The following LAMB3 variants were observed in gnomAD, a reference collection of about 807,000 sequenced individuals.
LAMB3 encodes laminin subunit beta 3.
LAMB3 carries 104 observed loss-of-function variants against 140.3 expected under a neutral mutation model. The ratio of observed to expected loss-of-function variants is 0.74; its 90% CI spans 0.63 to 0.87. LAMB3 has a LOEUF of 0.87. Among genes scored for constraint, LAMB3 ranks in the 40% least tolerant of loss-of-function variants. The probability of loss-of-function intolerance (pLI) is 0.00; values close to 1 mark genes in which losing one functional copy is unlikely to be tolerated. For missense variants in LAMB3, 1,531 were observed against 1,575.2 expected, an observed-to-expected ratio of 0.97 and a Z score of 0.47; for synonymous variants, 592 against 602.9, an observed-to-expected ratio of 0.98 and a Z score of 0.26.
At chr1:209,634,669 A>G (rs766456092) in intron 5 of LAMB3, 31 bp from the exon 6 acceptor site, 11 of 1,577,028 alleles carry the variant, frequency 7.0e-6, no homozygotes, top group East Asian at 2.3e-5. Context: ...TGCAGAGGGG[A>G]GGCACTGGGG....
chr1:209,631,499 G>T (rs1193516854), intron 8 of LAMB3, among the ~76,000 whole-genome samples: 1 of 152,172 alleles, frequency 6.6e-6, no homozygotes, highest in Non-Finnish European at 1.5e-5. Flanking sequence ...TAATTCCATA[G>T]ATCTCAACAC....
At chr1:209,627,971 G>C (rs1055684654) in intron 11 of LAMB3, 64 bp downstream of exon 11, 21 of 1,532,652 alleles carry the variant, frequency 1.4e-5, no homozygotes, top group Non-Finnish European at 1.6e-5. Context: ...AGCAGGGCAA[G>C]CCGTGGGTCT....
rs1666073723 is a variant in LAMB3 at position 209,618,546 on chromosome 1, C to T, written c.2815G>A (p.Ala939Thr). ...LQKMNEIQAI[A>T]ARLPNVDLVL... ...AAGTCCACGTTGGGGAGCCTGGCTG[C>T]AATGGCCTGGATCTCATTCATCTTC... is the stretch of plus-strand genomic sequence containing the variant. Residue 939 changes from alanine (A) to threonine (T), a missense_variant, in exon 19 of 23, where the codon GCA (alanine) becomes ACA (threonine). Coordinates refer to ENST00000356082, the MANE Select transcript of LAMB3 (RefSeq NM_000228.3). The T allele has an allele frequency of 6.2e-7, 1 of 1,614,256 alleles. No individual in the cohort carries two copies. Among genetic ancestry groups the T allele is most frequent in the South Asian group, 1.1e-5 (1 of 91,086 alleles).
chr1:209,633,696 A>G (rs1460475375), intron 6 of LAMB3, among the ~76,000 whole-genome samples: 1 of 152,238 alleles, frequency 6.6e-6, no homozygotes, highest in African/African-American at 2.4e-5. Flanking sequence ...GGGTATAACC[A>G]AGGAGGAACT....
chr1:209,624,941 A>AAC (rs1470849386), intron 14 of LAMB3, among the ~76,000 whole-genome samples: 5 of 145,852 alleles, frequency 3.4e-5, no homozygotes, highest in African/African-American at 1.3e-4. Flanking sequence ...GAAGGAAAAA[A>AAC]AGGGAAGGAA....
intron 3 of LAMB3, among the ~76,000 whole-genome samples, chr1:209,648,534 A>G (rs2076537083): frequency 6.6e-6 from 1 of 152,240 alleles, no homozygotes; most frequent in South Asian, 2.1e-4. Flanking sequence ...CTGTTTTATA[A>G]GCACCCTGTT....
At chr1:209,629,092 C>G (rs917960607) in intron 10 of LAMB3, among the ~76,000 whole-genome samples, 2 of 152,166 alleles carry the variant, frequency 1.3e-5, no homozygotes, top group African/African-American at 4.8e-5. Flanking sequence ...AATGTAAGAC[C>G]CCTTCATCCA....
chr1:209,619,041 CTGGAGCTGCTTCCT>C (rs1666097182), intron 18 of LAMB3, among the ~76,000 whole-genome samples: 1 of 152,230 alleles, frequency 6.6e-6, no homozygotes, highest in African/African-American at 2.4e-5. Flanking sequence ...TGGCCAGAAA[CTGGAGCTGCTTCCT>C]TGGCAAAAAG....
chr1:209,616,543 G>A lies in LAMB3; in HGVS notation c.3310C>T (p.Arg1104Trp), dbSNP rs766585562. 6.2e-6 allele frequency: 10 copies of A among 1,613,910 alleles called. No individual in the cohort carries two copies. The highest frequency in any genetic ancestry group is 1.3e-5 in the African/African-American group (1 of 74,850). ...QSSMLGEQGARIQSVKTEAEE... is the reference protein window; with the variant it reads ...QSSMLGEQGAWIQSVKTEAEE... ...GCCTCTGTCTTCACACTCTGGATCC[G>A]GGCACCCTGCTCACCCAGCATGGAA... The change falls in exon 22 of 23, where the codon CGG becomes TGG. Residue 1104 changes from arginine (R) to tryptophan (W), a missense_variant. Arg to Trp is a moderately radical substitution (Grantham distance 101, BLOSUM62 -3). Coordinates refer to ENST00000356082, the MANE Select transcript of LAMB3 (RefSeq NM_000228.3).
intron 20 of LAMB3, 148 bp from the exon 21 acceptor site, chr1:209,617,734 TC>T: frequency 1.6e-6 from 2 of 1,239,196 alleles, no homozygotes; most frequent in Middle Eastern, 2.3e-4. Context: ...TCCTTCTGCA[TC>T]CCAGCCACAA....
chr1:209,628,175 G>C lies in LAMB3; in HGVS notation c.1148C>G (p.Pro383Arg). ...QETCISCECD[P>R]DGAVPGAPCD... ...GGGAGCCCCTGGCACTGCCCCATCC[G>C]GATCACACTCGCAGGCTGAGAGACA... The change falls in exon 11 of 23, where the codon CCG (proline) becomes CGG (arginine). Residue 383 changes from proline to arginine, a missense_variant. Pro to Arg is a moderately radical substitution (Grantham distance 103). Coordinates refer to ENST00000356082, the MANE Select transcript of LAMB3 (RefSeq NM_000228.3). 1 of 1,561,322 alleles carries C rather than the reference G, an allele frequency of 6.4e-7. No individual in the cohort carries two copies. Among genetic ancestry groups the C allele is most frequent in the Non-Finnish European group, 8.7e-7 (1 of 1,152,208 alleles).
chr1:209,642,934 C>G (rs1571834368), intron 3 of LAMB3, among the ~76,000 whole-genome samples: 2 of 152,248 alleles, frequency 1.3e-5, no homozygotes, highest in African/African-American at 2.4e-5. Flanking sequence ...ATGCCTTCTT[C>G]TCCTTCTGTC....
At chr1:209,643,441 A>T (rs575272293) in intron 3 of LAMB3, among the ~76,000 whole-genome samples, 1 of 152,336 alleles carries the variant, frequency 6.6e-6, no homozygotes, top group South Asian at 2.1e-4. Context: ...TCAGGCCTCC[A>T]GCCAGTTTGG....
rs1170124024 is a variant in LAMB3, at chr1:209,637,687, TGA to T, written c.372+219_372+220del. On this transcript the variant is annotated intron_variant, in intron 5 of 22. Transcript: ENST00000356082. ...AATTAGATGGGTTGAGGGTGGAGAA[TGA>T]GAGAGGAAGAGGATATGCAACCACT... Among the ~76,000 whole-genome samples, 5 of 152,128 alleles carry T rather than the reference TGA, an allele frequency of 3.3e-5. No individual in the cohort carries two copies. The East Asian group carries it at 9.7e-4, about 29-fold the overall frequency.
At position 209,633,093 on chromosome 1, in the gene LAMB3, G is replaced by A; in HGVS notation, c.605C>T (p.Ala202Val). Residue 202 changes from alanine to valine, a missense_variant, in exon 7 of 23, where the codon GCA (alanine) becomes GTA (valine). Physicochemically the swap from Ala to Val is moderately conservative, Grantham distance 64. Transcript: ENST00000356082. ...ACCTTGAATTTTTTGACTTTGAGTTGCTGGAATCCCAGACACTAAATCCAT... is the reference window on the plus strand; with the variant it reads ...ACCTTGAATTTTTTGACTTTGAGTTACTGGAATCCCAGACACTAAATCCAT... ...NLMDLVSGIP[A>V]TQSQKIQEVG... 6.2e-7 allele frequency: 1 copy of A among 1,612,448 alleles called. No individual in the cohort carries two copies. Among genetic ancestry groups the A allele is most frequent in the Non-Finnish European group, 8.5e-7 (1 of 1,178,468 alleles).
rs980833595 is a variant in LAMB3, at chr1:209,629,772, C to T, written c.1097G>A (p.Arg366Gln). 29 of 1,614,026 alleles carry T rather than the reference C, an allele frequency of 1.8e-5. No homozygotes were observed. Among genetic ancestry groups the T allele is most frequent in the Middle Eastern group, 1.6e-4 (1 of 6,062 alleles). The stretch of plus-strand genomic sequence containing the variant: ...CTCCTGAATGGAAGCTCCCGGGCGC[C>T]GGTTCCGGAAATAGTGCAGCTGACA... ...ERCQLHYFRN[R>Q]RPGASIQETC... is the part of the protein sequence containing the mutation. Residue 366 changes from arginine to glutamine, a missense_variant, in exon 10 of 23, where the codon CGG (arginine) becomes CAG (glutamine). Transcript: ENST00000356082.
intron 6 of LAMB3, 147 bp downstream of exon 6, chr1:209,634,300 G>T: frequency 1.9e-5 from 15 of 804,842 alleles, no homozygotes; most frequent in South Asian, 1.7e-4. Flanking sequence ...GGCCACAGGG[G>T]TCATTACTGG....
chr1:209,644,350 T>C (rs544517136), intron 3 of LAMB3, among the ~76,000 whole-genome samples: 3 of 152,348 alleles, frequency 2.0e-5, no homozygotes, highest in South Asian at 4.1e-4. Flanking sequence ...ATTATAGAGA[T>C]GATATATGCT....
intron 17 of LAMB3, 123 bp downstream of exon 17, chr1:209,622,859 C>T (rs1376065328): frequency 1.8e-5 from 24 of 1,352,534 alleles, no homozygotes; most frequent in Non-Finnish European, 2.3e-5. Flanking sequence ...CTTGCTGTGG[C>T]ACCTTAAGCA....
Sources: gnomAD v4.1 joint callset for allele counts (sites outside exome capture counted in the v4.1 genomes callset) on GRCh38, gnomAD v4.1.1 for gene constraint, MANE v1.5 for transcripts, NCBI Gene and HGNC (gene_info 2026-07-23, HGNC 2026-07-21) for gene names.